Variants in NRXN1 observed in about 807,000 individuals in gnomAD.
NRXN1 encodes the protein neurexin 1.
In NRXN1, 39 loss-of-function variants were observed where a neutral mutation model predicts 150.9. The ratio of observed to expected loss-of-function variants is 0.26; its 90% confidence interval spans 0.20 to 0.34. NRXN1 has a LOEUF of 0.34. NRXN1 is among the 10% of genes least tolerant of loss of function. The pLI is 1.00. For missense variants in NRXN1, 1,815 were observed against 1,949.9 expected (o/e 0.93, Z 1.30); for synonymous variants, 924 against 757.0 (o/e 1.22, Z -3.62).
chr2:49,964,303 G>A (rs1365249308), intron 21 of NRXN1, among the ~76,000 whole-genome samples: 1 of 152,138 alleles, frequency 6.6e-6, no homozygotes, highest in South Asian at 2.1e-4. Flanking sequence ...ATACTAAGAA[G>A]TCTTCGGTGG....
intron 18 of NRXN1, among the ~76,000 whole-genome samples, chr2:50,152,349 A>T (rs1209462398): frequency 6.6e-6 from 1 of 151,732 alleles, no homozygotes; most frequent in East Asian, 1.9e-4. Flanking sequence ...CTCAAGGTTC[A>T]TCCATGAACC....
chr2:51,017,503 CTTTTTTTTTTTTTTTTTTT>C (rs70958638), intron 2 of NRXN1, among the ~76,000 whole-genome samples: 2 of 44,320 alleles, frequency 4.5e-5, no homozygotes, highest in Non-Finnish European at 7.6e-5. Flanking sequence ...CCACATCTGG[CTTTTTTTTTTTTTTTTTTT>C]TTTTTTTTTT....
intron 16 of NRXN1, among the ~76,000 whole-genome samples, chr2:50,472,056 A>C (rs2089526657): frequency 1.1e-5 from 1 of 90,616 alleles, no homozygotes; most frequent in African/African-American, 4.3e-5. Context: ...AAGCAAAAAC[A>C]GGCAAAAAAA....
At chr2:50,999,619 G>A (rs895586017) in intron 2 of NRXN1, among the ~76,000 whole-genome samples, 3 of 151,920 alleles carry the variant, frequency 2.0e-5, no homozygotes, top group Admixed American at 2.0e-4. Context: ...GACACTTAGG[G>A]AAAATAGAAA....
At chr2:49,994,991 C>T (rs919052186) in intron 21 of NRXN1, among the ~76,000 whole-genome samples, 1 of 152,016 alleles carries the variant, frequency 6.6e-6, no homozygotes, top group Admixed American at 6.5e-5. Context: ...TAATTTCACC[C>T]AACTCAAAGG....
At chr2:50,129,752 T>C (rs900228332) in intron 18 of NRXN1, among the ~76,000 whole-genome samples, 1 of 152,170 alleles carries the variant, frequency 6.6e-6, no homozygotes, top group South Asian at 2.1e-4. Flanking sequence ...GTTAGAATCA[T>C]GTACTGTCCA....
chr2:50,123,082 G>T (rs1163455946), intron 18 of NRXN1, among the ~76,000 whole-genome samples: 3 of 152,128 alleles, frequency 2.0e-5, no homozygotes, highest in Non-Finnish European at 4.4e-5. Flanking sequence ...TTACCAATGA[G>T]TACCTTTGAT....
intron 17 of NRXN1, among the ~76,000 whole-genome samples, chr2:50,252,383 C>A (rs2067212271): frequency 6.6e-6 from 1 of 150,952 alleles, no homozygotes; most frequent in Non-Finnish European, 1.5e-5. Context: ...CTCAGCCTCC[C>A]AAGAAACTGG....
chr2:50,425,397 C>A (rs978979255), intron 17 of NRXN1, among the ~76,000 whole-genome samples: 1 of 152,150 alleles, frequency 6.6e-6, no homozygotes. Context: ...TTACAACCAG[C>A]AAGCTTCCTG....
At chr2:50,993,036 G>T (rs986726552) in intron 2 of NRXN1, among the ~76,000 whole-genome samples, 3 of 151,848 alleles carry the variant, frequency 2.0e-5, no homozygotes, top group African/African-American at 7.2e-5. Flanking sequence ...ACGTATGCAA[G>T]AAATCTAAAT....
intron 18 of NRXN1, chr2:50,175,234 G>T (rs768324748): frequency 2.6e-5 from 4 of 152,084 alleles, no homozygotes; most frequent in Non-Finnish European, 4.4e-5. Context: ...AGACAACACG[G>T]TCACACAAAT....
chr2:50,975,655 A>G (rs1424745020), intron 2 of NRXN1, among the ~76,000 whole-genome samples: 1 of 152,126 alleles, frequency 6.6e-6, no homozygotes, highest in African/African-American at 2.4e-5. Context: ...AACTATGTGG[A>G]CATCTGCAAT....
intron 17 of NRXN1, among the ~76,000 whole-genome samples, chr2:50,456,694 CT>C (rs1350060200): frequency 1.3e-5 from 2 of 152,098 alleles, no homozygotes; most frequent in Admixed American, 6.6e-5. Context: ...TTTCCCCAGG[CT>C]TTTTTTCCCT....
At position 51,028,115 on chromosome 2, in the gene NRXN1, C is replaced by T. The variant is rs1057524126; in HGVS notation, c.159G>A (p.Glu53=). 8 of 1,574,182 alleles carry T rather than the reference C, an allele frequency of 5.1e-6. No homozygotes were observed. Among genetic ancestry groups the T allele is most frequent in the Non-Finnish European group, 6.9e-6 (8 of 1,162,744 alleles). The change falls in exon 2 of 23, where the codon GAG becomes GAA. Residue 53 remains glutamate, a synonymous_variant. Coordinates refer to ENST00000401669, the MANE Select transcript of NRXN1 (RefSeq NM_001330078.2). ...TGCGAGTCTTGAGCTGGAAGCTCAT[C>T]TCGCTCTCGCAGCAGGCGTTCCACT... The part of the protein sequence containing the change: ...FPKWNACCES[E]MSFQLKTRSA...
chr2:50,901,331 C>T (rs974921783), intron 5 of NRXN1, among the ~76,000 whole-genome samples: 5 of 151,794 alleles, frequency 3.3e-5, no homozygotes, highest in African/African-American at 4.8e-5. Context: ...GTCAGGAGAT[C>T]GAGACCATCC....
intron 5 of NRXN1, among the ~76,000 whole-genome samples, chr2:50,895,418 A>G (rs1681771433): frequency 6.6e-6 from 1 of 152,168 alleles, no homozygotes; most frequent in Non-Finnish European, 1.5e-5. Context: ...AAGTTGCTTT[A>G]CCACTTGAGC....
At chr2:50,329,611 GTGTGTGTATATATATATATATATATATA>G (rs1705766104) in intron 17 of NRXN1, among the ~76,000 whole-genome samples, 1 of 22,498 alleles carries the variant, frequency 4.4e-5, no homozygotes, top group African/African-American at 2.0e-4. Flanking sequence ...GTGTGTGTGT[GTGTGTGTATATATATATATATATATATA>G]TATATATATA....
At chr2:50,404,263 G>A (rs1186451626) in intron 17 of NRXN1, among the ~76,000 whole-genome samples, 1 of 151,904 alleles carries the variant, frequency 6.6e-6, no homozygotes, top group African/African-American at 2.4e-5. Context: ...GCTTCACCCA[G>A]GATAGTTTCT....
chr2:51,029,135 T>C lies in NRXN1; in HGVS notation c.-862A>G, dbSNP rs559842089. ...CCAAGCTAAGATGCCAGCACATCAA[T>C]TGGTTGTGTGTTGGTGATGCATTTT... On this transcript the variant is annotated 5_prime_UTR_variant, in exon 2 of 23. Coordinates refer to ENST00000401669, the MANE Select transcript of NRXN1 (RefSeq NM_001330078.2). The C allele has an allele frequency of 2.6e-5, 4 of 152,372 alleles. No individual in the cohort carries two copies. The highest frequency in any genetic ancestry group is 2.1e-4 in the South Asian group (1 of 4,830). The allele number at this position is 152,372 out of a possible 1,614,324, so 9.4% of individuals were successfully genotyped here. A position where few individuals can be genotyped will look rare whatever the true frequency, so the allele number is the denominator to read the frequency against.
Sources: allele counts gnomAD v4.1 joint callset (sites outside exome capture counted in the v4.1 genomes callset), GRCh38; gene constraint gnomAD v4.1.1; transcripts MANE v1.5; gene names NCBI Gene and HGNC (gene_info 2026-07-23, HGNC 2026-07-21).